CNTRL: variants seen among roughly 807,000 people sequenced by gnomAD.
CNTRL encodes centriolin.
In CNTRL, 233 loss-of-function variants were observed where a neutral mutation model predicts 303.7. The observed-to-expected ratio is 0.77, with a 90% CI of 0.69 to 0.86. CNTRL has a LOEUF of 0.86. Among genes scored for constraint, CNTRL ranks in the 40% least tolerant of loss-of-function variants. CNTRL has a pLI of 0.00. For missense variants in CNTRL, 2,524 were observed against 2,650.6 expected (o/e 0.95, Z 1.05); for synonymous variants, 900 against 922.2 (o/e 0.98, Z 0.44).
chr9:121,112,098 G>A (rs1219172184), intron 8 of CNTRL, among the ~76,000 whole-genome samples: 3 of 152,048 alleles, frequency 2.0e-5, no homozygotes, highest in Admixed American at 2.0e-4. Flanking sequence ...TAAGAAATTA[G>A]TGCTAATTAT....
chr9:121,167,781 A>G (rs1307294391), intron 37 of CNTRL, 104 bp downstream of exon 37: 3 of 1,011,876 alleles, frequency 3.0e-6, no homozygotes, highest in African/African-American at 1.6e-5. Context: ...CAATGGGACT[A>G]TGTGTCCCTT....
intron 10 of CNTRL, 60 bp downstream of exon 10, chr9:121,113,784 C>A: frequency 8.6e-7 from 1 of 1,167,192 alleles, no homozygotes; most frequent in Non-Finnish European, 1.1e-6. Flanking sequence ...AATATGTAGG[C>A]CAATTTTGTT....
At chr9:121,117,674 GGATTA>G in intron 11 of CNTRL, among the ~76,000 whole-genome samples, 1 of 152,184 alleles carries the variant, frequency 6.6e-6, no homozygotes, top group African/African-American at 2.4e-5. Flanking sequence ...TATGTTTTGA[GGATTA>G]GATTAAAGGA....
At chr9:121,151,429 C>T (rs1187296551) in intron 25 of CNTRL, among the ~76,000 whole-genome samples, 11 of 77,050 alleles carry the variant, frequency 1.4e-4, no homozygotes, top group African/African-American at 1.9e-4. Flanking sequence ...TGTTCTCTTT[C>T]GCCCAGGCTG....
chr9:121,103,017 A>G (rs1178341105), intron 7 of CNTRL, among the ~76,000 whole-genome samples: 1 of 152,224 alleles, frequency 6.6e-6, no homozygotes, highest in African/African-American at 2.4e-5. Context: ...CAAGCTACCA[A>G]TGACTTTCTT....
chr9:121,164,635 C>A (rs915266827), intron 34 of CNTRL, among the ~76,000 whole-genome samples: 1 of 152,202 alleles, frequency 6.6e-6, no homozygotes, highest in African/African-American at 2.4e-5. Context: ...ACTGTACACA[C>A]AATTGTTTTC....
intron 3 of CNTRL, 36 bp from the exon 4 acceptor site, chr9:121,090,239 T>A: frequency 6.5e-7 from 1 of 1,546,360 alleles, no homozygotes; most frequent in Non-Finnish European, 8.7e-7. Flanking sequence ...TTCATGTCTT[T>A]CCTCTACTGA....
At position 121,125,928 on chromosome 9, in the gene CNTRL, A is replaced by G; in HGVS notation, c.2017A>G (p.Met673Val). ...AATAGTTGCCATGGATGCAGAAAATATGAGGAAGGTATGATTTTTTTCCTG... is the reference window on the plus strand; with the variant it reads ...AATAGTTGCCATGGATGCAGAAAATGTGAGGAAGGTATGATTTTTTTCCTG... The part of the protein sequence containing the change: ...LEIVAMDAEN[M>V]RKELAELESA... Residue 673 changes from methionine to valine, a missense_variant, in exon 14 of 44, where the codon ATG (methionine) becomes GTG (valine). Physicochemically the swap from Met to Val is conservative, Grantham distance 21. Coordinates refer to ENST00000373855, the MANE Select transcript of CNTRL (RefSeq NM_007018.6). 6.2e-7 allele frequency: 1 copy of G among 1,613,868 alleles called. No homozygotes were observed. The highest frequency in any genetic ancestry group is 8.5e-7 in the Non-Finnish European group (1 of 1,179,706).
intron 3 of CNTRL, among the ~76,000 whole-genome samples, chr9:121,089,956 C>A (rs187395726): frequency 2.6e-5 from 4 of 152,028 alleles, no homozygotes; most frequent in Admixed American, 2.6e-4. Context: ...TGTGTATAAC[C>A]ATTATCATCT....
chr9:121,110,239 A>T (rs945165964), intron 8 of CNTRL, among the ~76,000 whole-genome samples: 3 of 152,122 alleles, frequency 2.0e-5, no homozygotes, highest in East Asian at 3.8e-4. Flanking sequence ...GCTTCAGTTT[A>T]GTTATATTTA....
intron 11 of CNTRL, 47 bp downstream of exon 11, chr9:121,115,247 ATG>A (rs2049927209): frequency 9.1e-7 from 1 of 1,099,364 alleles, no homozygotes; most frequent in Non-Finnish European, 1.4e-6. Context: ...GAAAAATGAA[ATG>A]TGTTTTTCCC....
At chr9:121,141,658 A>G (rs988632671) in intron 18 of CNTRL, 70 bp downstream of exon 18, 10 of 1,328,890 alleles carry the variant, frequency 7.5e-6, no homozygotes, top group East Asian at 4.8e-5. Flanking sequence ...GCAAATTACA[A>G]TGCTTCCTTT....
At chr9:121,155,414 C>T (rs1201501175) in intron 27 of CNTRL, among the ~76,000 whole-genome samples, 1 of 152,110 alleles carries the variant, frequency 6.6e-6, no homozygotes, top group Admixed American at 6.5e-5. Flanking sequence ...TGGTGTCTCG[C>T]TCTGTCACCC....
At chr9:121,134,570 C>T (rs2051074423) in intron 14 of CNTRL, among the ~76,000 whole-genome samples, 1 of 152,214 alleles carries the variant, frequency 6.6e-6, no homozygotes, top group Admixed American at 6.5e-5. Flanking sequence ...GCTGGGATTA[C>T]AGGCATGAGC....
At chr9:121,076,730 A>C (rs1428848194) in intron 1 of CNTRL, among the ~76,000 whole-genome samples, 1 of 152,116 alleles carries the variant, frequency 6.6e-6, no homozygotes, top group East Asian at 1.9e-4. Flanking sequence ...TGGGCAGCAC[A>C]GAATGGGGGA....
rs773504903 is a variant in CNTRL at position 121,157,526 on chromosome 9, G to A, written c.4422G>A (p.Glu1474=). The A allele has an allele frequency of 6.2e-7, 1 of 1,614,022 alleles. No homozygotes were observed. The highest frequency in any genetic ancestry group is 1.1e-5 in the South Asian group (1 of 91,086). ...TDAKRSLLQT[E]SDAEELERRA... is the part of the protein sequence containing the mutation. ...CCAAGAGAAGTTTATTGCAAACTGA[G>A]TCAGATGCTGAGGAATTAGAAAGGA... is the stretch of plus-strand genomic sequence containing the variant. The change falls in exon 28 of 44, where the codon GAG becomes GAA. Residue 1474 remains glutamate (E), a synonymous_variant. Coordinates refer to ENST00000373855, the MANE Select transcript of CNTRL (RefSeq NM_007018.6).
chr9:121,169,771 G>A lies in CNTRL; in HGVS notation c.6231G>A (p.Lys2077=). Residue 2077 remains lysine (K), a synonymous_variant, in exon 39 of 44, where the codon AAG becomes AAA. Transcript: ENST00000373855. The part of the protein sequence containing the change: ...KKAEKQVASL[K]EALKIQRSQL... ...CTGAGAAGCAGGTGGCCAGCCTGAA[G>A]GAAGCACTTAAGATCCAGCGGAGCC... 6.2e-7 allele frequency: 1 copy of A among 1,614,180 alleles called. No homozygotes were observed. Among genetic ancestry groups the A allele is most frequent in the Non-Finnish European group, 8.5e-7 (1 of 1,180,028 alleles).
chr9:121,134,259 C>A (rs910325468), intron 14 of CNTRL, among the ~76,000 whole-genome samples: 1 of 151,348 alleles, frequency 6.6e-6, no homozygotes, highest in Non-Finnish European at 1.5e-5. Context: ...AGAAAAATGA[C>A]GGTAATTCCC....
intron 7 of CNTRL, among the ~76,000 whole-genome samples, chr9:121,102,953 C>A (rs536270339): frequency 1.3e-5 from 2 of 152,264 alleles, no homozygotes; most frequent in Admixed American, 6.5e-5. Flanking sequence ...GAATCAATAT[C>A]ATGAAAATGG....
Sources: gnomAD v4.1 joint callset for allele counts (sites outside exome capture counted in the v4.1 genomes callset) on GRCh38, gnomAD v4.1.1 for gene constraint, MANE v1.5 for transcripts, NCBI Gene and HGNC (gene_info 2026-07-23, HGNC 2026-07-21) for gene names.